RAB37: variants seen among roughly 807,000 people sequenced by gnomAD.
RAB37 encodes the protein RAB37, member RAS oncogene family, also known as ras-related protein Rab-37.
In RAB37, 29 loss-of-function variants were observed where a neutral mutation model predicts 33.1. The observed-to-expected ratio is 0.88, with a 90% CI of 0.65 to 1.20. RAB37 has a LOEUF of 1.20. RAB37 is among the 50% of genes most tolerant of loss of function. RAB37 has a pLI of 0.00. For synonymous variants in RAB37, 128 were observed against 119.5 expected (o/e 1.07, Z -0.47); for missense variants, 299 against 301.1 (o/e 0.99, Z 0.05).
upstream of RAB37, among the ~76,000 whole-genome samples, chr17:74,735,018 GAAGAAAGAAAGAAAGAAAGAAAGA>G (rs562187740): frequency 1.8e-4 from 15 of 82,260 alleles, no homozygotes; most frequent in Non-Finnish European, 3.1e-4. Context: ...AGGAAGGAAG[GAAGAAAGAAAGAAAGAAAGAAAGA>G]AAGAAAGAAA....
chr17:74,741,086 CA>C lies in RAB37; in HGVS notation c.204+215del, dbSNP rs374426104. The stretch of plus-strand genomic sequence containing the variant: ...TGGCTCCTTGCCCAACTATAGGATG[CA>C]AAAAAATGAGACTGAGTCTTCGATT... On this transcript the variant is annotated intron_variant, in intron 2 of 8. Transcript: ENST00000392613. Among the ~76,000 whole-genome samples the C allele has an allele frequency of 3.7e-4, 57 of 152,040 alleles. No homozygotes were observed. The East Asian group carries it at 8.4e-3, about 22-fold the overall frequency.
intron 1 of RAB37, among the ~76,000 whole-genome samples, chr17:74,691,382 C>A (rs1387335358): frequency 1.3e-5 from 2 of 152,192 alleles, no homozygotes; most frequent in Admixed American, 1.3e-4. Flanking sequence ...GTTGCCCAGG[C>A]TTGTCTCAAA....
rs1479432162 is a variant in RAB37 at position 74,687,472 on chromosome 17, C to T, written c.72+15814C>T. Among the ~76,000 whole-genome samples the T allele has an allele frequency of 2.0e-5, 3 of 152,064 alleles. No individual in the cohort carries two copies. The East Asian group carries it at 5.8e-4, about 29-fold the overall frequency. On this transcript the variant is annotated intron_variant, in intron 1 of 7. Coordinates refer to the RAB37 transcript ENST00000340415. ...CTCCTGACCTCAGGTGATCCACCTG[C>T]CTCGGCCTCCCAAAGTGCTGGGATT...
chr17:74,693,110 G>A (rs2032196474), intron 1 of RAB37, among the ~76,000 whole-genome samples: 4 of 152,170 alleles, frequency 2.6e-5, no homozygotes, highest in Admixed American at 2.6e-4. Flanking sequence ...GGGCTGCAGG[G>A]GCCACTGCCC....
At chr17:74,724,401 T>A (rs946020248) in intron 1 of RAB37, among the ~76,000 whole-genome samples, 6 of 152,130 alleles carry the variant, frequency 3.9e-5, no homozygotes, top group African/African-American at 1.4e-4. Context: ...ATGGGTGACT[T>A]AGATGAATAG....
chr17:74,671,837 G>T lies in RAB37; in HGVS notation c.72+179G>T, dbSNP rs1462398681. 1.3e-5 allele frequency among the ~76,000 whole-genome samples: 2 copies of T among 152,156 alleles called. No individual in the cohort carries two copies. The highest frequency in any genetic ancestry group is 6.6e-5 in the Admixed American group (1 of 15,266). ...TCAAAACAGAGATGCGTGAGCTCTT[G>T]GGGAAGGGCTGCCGCCAGAGGCTCA... On this transcript the variant is annotated intron_variant, in intron 1 of 7. Transcript: ENST00000340415. The surrounding 1 kb of genome is among the most constrained non-coding windows in gnomAD (Gnocchi z 5.0).
intron 2 of RAB37, among the ~76,000 whole-genome samples, chr17:74,732,010 A>G (rs1447812471): frequency 6.6e-6 from 1 of 151,732 alleles, no homozygotes; most frequent in Non-Finnish European, 1.5e-5. Context: ...ACTCCATCTC[A>G]AAACAACAAC....
At chr17:74,734,949 AGAG>A (rs2034445459), upstream of RAB37, among the ~76,000 whole-genome samples, 7 of 83,360 alleles carry the variant, frequency 8.4e-5, no homozygotes, top group Non-Finnish European at 1.5e-4. Flanking sequence ...AGAAAGAAAG[AGAG>A]AAAGAAGAAA....
chr17:74,731,218 C>G (rs2034380260), intron 2 of RAB37, among the ~76,000 whole-genome samples: 1 of 152,248 alleles, frequency 6.6e-6, no homozygotes, highest in Non-Finnish European at 1.5e-5. Flanking sequence ...ATCTGTCCTT[C>G]TCACGGAGAT....
At chr17:74,735,147 A>AAAGGAAAG (rs971987492), upstream of RAB37, among the ~76,000 whole-genome samples, 1 of 147,982 alleles carries the variant, frequency 6.8e-6, no homozygotes, top group African/African-American at 2.5e-5. Flanking sequence ...AGAGAGAGAG[A>AAAGGAAAG]AAGGAAAGAA....
At chr17:74,705,891 G>A (rs2033465779) in intron 1 of RAB37, among the ~76,000 whole-genome samples, 1 of 152,166 alleles carries the variant, frequency 6.6e-6, no homozygotes, top group African/African-American at 2.4e-5. Flanking sequence ...CACAACGCCT[G>A]GCCTGTATTT....
intron 1 of RAB37, among the ~76,000 whole-genome samples, chr17:74,723,026 A>T (rs540362906): frequency 6.6e-6 from 1 of 152,330 alleles, no homozygotes; most frequent in African/African-American, 2.4e-5. Flanking sequence ...GCCTGGATAA[A>T]GTAGGATTTA....
intron 1 of RAB37, among the ~76,000 whole-genome samples, chr17:74,675,744 AAC>A (rs1243335084): frequency 4.6e-5 from 7 of 152,322 alleles, no homozygotes; most frequent in Non-Finnish European, 1.0e-4. Flanking sequence ...TTATATGAAA[AAC>A]ATACGCCAAA....
rs749012081 is a variant in RAB37 at position 74,745,271 on chromosome 17, C to T, written c.567-35C>T. ...GGCTCAGCTCCTCACCCCAGCCCAG[C>T]CCAGCCCAGCCCAGCCCATTGTCTC... On this transcript the variant is annotated intron_variant, in intron 8 of 8. Transcript: ENST00000392613. The surrounding 1 kb of genome is among the most constrained non-coding windows in gnomAD (Gnocchi z 4.5). 3.7e-6 allele frequency: 6 copies of T among 1,600,334 alleles called. No homozygotes were observed. Among genetic ancestry groups the T allele is most frequent in the East Asian group, 2.2e-5 (1 of 44,796 alleles).
intron 1 of RAB37, among the ~76,000 whole-genome samples, chr17:74,708,845 G>C (rs533266449): frequency 1.3e-3 from 203 of 151,582 alleles, no homozygotes; most frequent in African/African-American, 4.6e-3. Flanking sequence ...AACCCGGGGG[G>C]GCGGAGCTTG....
At position 74,738,347 on chromosome 17, in the gene RAB37, G is replaced by A. The variant is rs761829543; in HGVS notation, c.93+982G>A. On this transcript the variant is annotated intron_variant, in intron 1 of 8. Coordinates refer to ENST00000392613, the MANE Select transcript of RAB37 (RefSeq NM_001006638.3). This position sits in a 1 kb window ranked among gnomAD's most constrained non-coding sequence, Gnocchi z 5.0. ...GGGGAAGCCACCCTGCAAGTCATCC[G>A]CCCAGAGCCGTTGAGATAGGCGTCC... is the stretch of plus-strand genomic sequence containing the variant. Among the ~76,000 whole-genome samples, 9 of 152,132 alleles carry A rather than the reference G, an allele frequency of 5.9e-5. No homozygotes were observed. The highest frequency in any genetic ancestry group is 1.9e-4 in the East Asian group (1 of 5,176).
chr17:74,692,032 A>T (rs960363786), intron 1 of RAB37, among the ~76,000 whole-genome samples: 24 of 151,276 alleles, frequency 1.6e-4, no homozygotes, highest in Non-Finnish European at 3.0e-4. Context: ...CACCCAGTTA[A>T]TTTTTTTGTA....
In RAB37 at chr17:74,744,583, T is replaced by C; in HGVS notation, c.432+210T>C. ...AGTTGTTGCCTGAGAAATCAAGGGG[T>C]GCCCAGTTCTCAGCCCCCATTAGAG... On this transcript the variant is annotated intron_variant, in intron 6 of 8. Transcript: ENST00000392613. The surrounding 1 kb of genome is among the most constrained non-coding windows in gnomAD (Gnocchi z 4.2). 1 of 632,008 alleles carries C rather than the reference T, an allele frequency of 1.6e-6. No individual in the cohort carries two copies. The highest frequency in any genetic ancestry group is 2.8e-6 in the Non-Finnish European group (1 of 358,822). The allele number at this position is 632,008 out of a possible 1,614,324, so 39.2% of individuals were successfully genotyped here.
chr17:74,682,292 C>A (rs1276997093), intron 1 of RAB37, among the ~76,000 whole-genome samples: 1 of 152,008 alleles, frequency 6.6e-6, no homozygotes, highest in African/African-American at 2.4e-5. Flanking sequence ...TCAGCTGGTC[C>A]CAGGGACTCT....
Sources: gnomAD v4.1 joint callset for allele counts (sites outside exome capture counted in the v4.1 genomes callset) on GRCh38, gnomAD v4.1.1 for gene constraint, Gnocchi (gnomAD v3.1) non-coding constraint, MANE v1.5 for transcripts, NCBI Gene and HGNC (gene_info 2026-07-23, HGNC 2026-07-21) for gene names.